CDKL1: variants seen among roughly 807,000 people sequenced by gnomAD.
CDKL1 encodes the protein cyclin dependent kinase like 1, also known as cyclin-dependent kinase-like 1.
CDKL1 carries 41 observed loss-of-function variants against 42.0 expected under a neutral mutation model. The observed-to-expected ratio is 0.98, with a 90% CI of 0.76 to 1.27. The LOEUF is 1.27. CDKL1 is among the 50% of genes most tolerant of loss of function. The pLI, the probability that CDKL1 is intolerant of heterozygous loss-of-function variation, is 0.00. For synonymous variants in CDKL1, 153 were observed against 158.6 expected, an observed-to-expected ratio of 0.96 and a Z score of 0.26; for missense variants, 394 against 428.4, an observed-to-expected ratio of 0.92 and a Z score of 0.71.
intron 2 of CDKL1, among the ~76,000 whole-genome samples, chr14:50,382,429 C>T (rs1023706354): frequency 6.6e-6 from 1 of 151,844 alleles, no homozygotes; most frequent in African/African-American, 2.4e-5. Context: ...CCAGCCTGGG[C>T]GACAGAGCAA....
intron 2 of CDKL1, among the ~76,000 whole-genome samples, chr14:50,370,761 G>A (rs370529437): frequency 6.0e-4 from 91 of 152,294 alleles, no homozygotes; most frequent in South Asian, 5.8e-3. Context: ...AAGAACAAGG[G>A]AGAGAGAGGG....
chr14:50,349,958 G>A (rs2139423287), intron 3 of CDKL1, among the ~76,000 whole-genome samples: 1 of 152,276 alleles, frequency 6.6e-6, no homozygotes, highest in African/African-American at 2.4e-5. Context: ...TAGTAGAGAT[G>A]GGGTTTCGCC....
chr14:50,327,362 A>G lies in CDKL1; in HGVS notation c.*2712T>C, dbSNP rs2032745023. On this transcript the variant is annotated 3_prime_UTR_variant, in exon 10 of 10. Transcript: ENST00000395834. The stretch of plus-strand genomic sequence containing the variant: ...AAAAAAAAAAAAAAGTGAAAAATAG[A>G]TAAAACAGGTCTTCATTGTTACCTG... The G allele has an allele frequency of 6.6e-6, 1 of 150,830 alleles. No homozygotes were observed. Among genetic ancestry groups the G allele is most frequent in the Admixed American group, 6.6e-5 (1 of 15,154 alleles). The allele number at this position is 150,830 out of a possible 1,614,324, so 9.3% of individuals were successfully genotyped here. A position where few individuals can be genotyped will look rare whatever the true frequency, so the allele number is the denominator to read the frequency against.
chr14:50,376,030 C>T (rs879671984), intron 2 of CDKL1, among the ~76,000 whole-genome samples: 9 of 151,880 alleles, frequency 5.9e-5, no homozygotes, highest in Non-Finnish European at 8.8e-5. Flanking sequence ...ACAGCCTCCT[C>T]TAAATGATTA....
At chr14:50,331,849 G>A (rs2032959887) in intron 9 of CDKL1, 3 of 628,088 alleles carry the variant, frequency 4.8e-6, no homozygotes, top group Non-Finnish European at 8.1e-6. Flanking sequence ...AAAGGATCAG[G>A]GAGGAAAACA....
At chr14:50,390,174 T>C in intron 2 of CDKL1, 1 of 1,366,184 alleles carries the variant, frequency 7.3e-7, no homozygotes, top group Non-Finnish European at 9.8e-7. Flanking sequence ...CTCACTTGTT[T>C]TTCTTGTTTT....
In CDKL1 at chr14:50,339,841, A is replaced by G. The variant is rs74462263; in HGVS notation, c.656-812T>C. On this transcript the variant is annotated intron_variant, in intron 6 of 9. Coordinates refer to ENST00000395834, the MANE Select transcript of CDKL1 (RefSeq NM_004196.7). ...GGGATTTTGTTCAGAGAATATAGGG[A>G]GATACTCAAAGGTGTTCTCCTGGGG... Among the ~76,000 whole-genome samples, 566 of 152,272 alleles carry G rather than the reference A, an allele frequency of 3.7e-3. 2 individuals are homozygous for G. Among genetic ancestry groups the G allele is most frequent in the African/African-American group, 0.013 (525 of 41,554 alleles).
At chr14:50,384,701 G>C (rs753470500) in intron 2 of CDKL1, among the ~76,000 whole-genome samples, 1 of 146,570 alleles carries the variant, frequency 6.8e-6, no homozygotes, top group Non-Finnish European at 1.5e-5. Context: ...TTTTTTTACA[G>C]AAAAATGATA....
intron 2 of CDKL1, chr14:50,378,547 T>G (rs1408644549): frequency 6.2e-5 from 51 of 825,464 alleles, no homozygotes; most frequent in Non-Finnish European, 8.0e-5. Context: ...CTTTTATTTT[T>G]TATAGAGACA....
At chr14:50,392,666 C>T (rs2035293919) in intron 2 of CDKL1, among the ~76,000 whole-genome samples, 1 of 151,942 alleles carries the variant, frequency 6.6e-6, no homozygotes, top group African/African-American at 2.4e-5. Context: ...GCTTTAAATA[C>T]CATCGATATG....
At chr14:50,383,578 A>G (rs2034988273) in intron 2 of CDKL1, among the ~76,000 whole-genome samples, 2 of 151,674 alleles carry the variant, frequency 1.3e-5, no homozygotes, top group Admixed American at 6.6e-5. Context: ...AACAACAACA[A>G]CAACAACAAC....
rs368793081 is a variant in CDKL1, at chr14:50,359,092, G to A, written c.226C>T (p.Leu76Phe). Residue 76 changes from leucine (L) to phenylalanine (F), a missense_variant, in exon 3 of 10, where the codon CTT (leucine) becomes TTT (phenylalanine). Transcript: ENST00000395834. ...TCACAATATTCAAACACCAGGTGAA[G>A]CCTCCGTTTCCTCCTGAAGACTTCC... ...LLEVFRRKRR[L>F]HLVFEYCDHT... The A allele has an allele frequency of 5.6e-6, 9 of 1,612,946 alleles. No homozygotes were observed. The African/African-American group carries it at 1.2e-4, about 22-fold the overall frequency.
chr14:50,350,962 C>T (rs536503374), intron 3 of CDKL1, among the ~76,000 whole-genome samples: 4 of 152,232 alleles, frequency 2.6e-5, no homozygotes, highest in Admixed American at 6.5e-5. Flanking sequence ...AGAATGGGCA[C>T]ACTGCTGAGC....
Position 50,338,991 on chromosome 14 carries a change from T to G in CDKL1, c.694A>C (p.Asn232His). The change falls in exon 7 of 10, where the codon AAT becomes CAT. Residue 232 changes from asparagine to histidine, a missense_variant. By Grantham distance (68) the Asn-to-His change is moderately conservative (BLOSUM62 1). Coordinates refer to ENST00000395834, the MANE Select transcript of CDKL1 (RefSeq NM_004196.7). ...IPRHQQVFST[N>H]QYFSGVKIPD... ...ATTTTCACTCCACTGAAGTACTGAT[T>G]CGTGCTAAACACTTGCTGGTGCCTA... The G allele has an allele frequency of 6.2e-7, 1 of 1,613,352 alleles. No homozygotes were observed. Among genetic ancestry groups the G allele is most frequent in the Non-Finnish European group, 8.5e-7 (1 of 1,179,264 alleles).
intron 2 of CDKL1, among the ~76,000 whole-genome samples, chr14:50,395,235 A>G (rs11157742): frequency 0.82 from 124,697 of 152,270 alleles, 51,428 homozygotes; most frequent in African/African-American, 0.91. Context: ...ATCAAATTGT[A>G]ATGGTCCTTG....
At chr14:50,342,468 G>A (rs1050252065) in intron 4 of CDKL1, 30 of 1,251,934 alleles carry the variant, frequency 2.4e-5, no homozygotes, top group Non-Finnish European at 2.7e-5. Context: ...TAGGGTAGCC[G>A]GTCTTAGCAG....
At chr14:50,384,975 G>A (rs2035029930) in intron 2 of CDKL1, among the ~76,000 whole-genome samples, 3 of 149,504 alleles carry the variant, frequency 2.0e-5, no homozygotes, top group Admixed American at 1.4e-4. Context: ...GGAGACTGAC[G>A]CAGGAGAATT....
chr14:50,392,993 C>T lies in CDKL1; in HGVS notation c.168+2708G>A, dbSNP rs145913251. ...TGATCCTGCCGGACCCTGGCTTCCC[C>T]CTTCCTTCTCTCCCTGGCCTGTTAG... On this transcript the variant is annotated intron_variant, in intron 2 of 9. Transcript: ENST00000395834. Among the ~76,000 whole-genome samples, 73 of 152,212 alleles carry T rather than the reference C, an allele frequency of 4.8e-4. 1 individual carries two copies. The highest frequency in any genetic ancestry group is 1.7e-3 in the African/African-American group (71 of 41,528).
intron 2 of CDKL1, chr14:50,390,168 CT>C: frequency 2.2e-6 from 3 of 1,366,242 alleles, no homozygotes; most frequent in Non-Finnish European, 2.9e-6. Flanking sequence ...CTTTGTCTCA[CT>C]TGTTTTTCTT....
Sources: gnomAD v4.1 joint callset for allele counts (sites outside exome capture counted in the v4.1 genomes callset) on GRCh38, gnomAD v4.1.1 for gene constraint, MANE v1.5 for transcripts, NCBI Gene and HGNC (gene_info 2026-07-23, HGNC 2026-07-21) for gene names.